VAV3: variants seen among roughly 807,000 people sequenced by gnomAD.
VAV3 encodes vav guanine nucleotide exchange factor 3.
VAV3 carries 94 observed loss-of-function variants against 131.2 expected under a neutral mutation model. That is an observed-to-expected ratio of 0.72 (90% CI 0.61 to 0.85). The LOEUF (loss-of-function observed/expected upper bound fraction) is 0.85, where lower values mean the gene tolerates loss of function less well. Among genes scored for constraint, VAV3 ranks in the 40% least tolerant of loss-of-function variants. VAV3 has a pLI of 0.00. For missense variants in VAV3, 939 were observed against 1,002.7 expected, an observed-to-expected ratio of 0.94 and a Z score of 0.86; for synonymous variants, 349 against 342.0, an observed-to-expected ratio of 1.02 and a Z score of -0.22.
intron 10 of VAV3, 24 bp from the exon 11 acceptor site, chr1:107,757,353 A>G (rs752106721): frequency 6.3e-7 from 1 of 1,579,808 alleles, no homozygotes; most frequent in South Asian, 1.2e-5. Context: ...ATGGTTTAGT[A>G]CTACTTTCAT....
At chr1:107,771,269 T>G (rs1159754086) in intron 5 of VAV3, among the ~76,000 whole-genome samples, 1 of 151,622 alleles carries the variant, frequency 6.6e-6, no homozygotes, top group Non-Finnish European at 1.5e-5. Context: ...TTTTTTTTTT[T>G]TGAGTCAGAG....
chr1:107,803,135 T>C (rs943608474), intron 2 of VAV3, among the ~76,000 whole-genome samples: 3 of 152,040 alleles, frequency 2.0e-5, no homozygotes, highest in Non-Finnish European at 4.4e-5. Context: ...CCTATACTTA[T>C]AATAGTTTCT....
At chr1:107,754,799 G>A (rs764989875) in intron 12 of VAV3, among the ~76,000 whole-genome samples, 5 of 151,972 alleles carry the variant, frequency 3.3e-5, no homozygotes, top group East Asian at 1.9e-4. Context: ...CACCTGCTAC[G>A]GCTTCTGCCT....
chr1:107,753,513 CAT>C (rs1553201249), intron 12 of VAV3, among the ~76,000 whole-genome samples: 44 of 80,636 alleles, frequency 5.5e-4, no homozygotes, highest in South Asian at 1.7e-3. Flanking sequence ...TATATACACA[CAT>C]ATATATATAT....
At chr1:107,933,168 T>C (rs1055854677) in intron 1 of VAV3, among the ~76,000 whole-genome samples, 1 of 152,240 alleles carries the variant, frequency 6.6e-6, no homozygotes, top group African/African-American at 2.4e-5. Context: ...GTAAATATTT[T>C]CTTTCTAAAT....
intron 2 of VAV3, among the ~76,000 whole-genome samples, chr1:107,870,678 C>T (rs1451332702): frequency 6.6e-6 from 1 of 151,882 alleles, no homozygotes; most frequent in Non-Finnish European, 1.5e-5. Flanking sequence ...TCTCTCTCTC[C>T]CAATAATGTT....
At chr1:107,942,418 C>T (rs1674042362) in intron 1 of VAV3, among the ~76,000 whole-genome samples, 1 of 152,162 alleles carries the variant, frequency 6.6e-6, no homozygotes, top group Non-Finnish European at 1.5e-5. Flanking sequence ...CAGACTCTCA[C>T]TACATCTTTA....
At chr1:107,689,128 G>A (rs1408840043) in intron 17 of VAV3, among the ~76,000 whole-genome samples, 1 of 152,038 alleles carries the variant, frequency 6.6e-6, no homozygotes, top group Non-Finnish European at 1.5e-5. Context: ...GGATAAGGGC[G>A]CACACGGCAC....
chr1:107,580,267 T>A (rs931731279), intron 25 of VAV3, among the ~76,000 whole-genome samples: 1 of 152,184 alleles, frequency 6.6e-6, no homozygotes, highest in Non-Finnish European at 1.5e-5. Context: ...CTTCCATTCC[T>A]TTAGCTCATC....
At chr1:107,785,769 C>T (rs775321700) in intron 2 of VAV3, 41 of 473,724 alleles carry the variant, frequency 8.7e-5, no homozygotes, top group Non-Finnish European at 1.1e-4. Context: ...GCTAGAGGCA[C>T]CCCAGAGACC....
At chr1:107,725,219 G>A (rs1661768554) in intron 15 of VAV3, among the ~76,000 whole-genome samples, 2 of 152,156 alleles carry the variant, frequency 1.3e-5, no homozygotes, top group Non-Finnish European at 2.9e-5. Context: ...GACCAGGTAA[G>A]AAGCTAACAG....
intron 15 of VAV3, among the ~76,000 whole-genome samples, chr1:107,734,713 G>A (rs1662482460): frequency 1.3e-5 from 2 of 152,164 alleles, no homozygotes; most frequent in South Asian, 4.1e-4. Flanking sequence ...CATAAAGCAA[G>A]TCTTTAGAGA....
At chr1:107,680,844 C>G (rs1173767607) in intron 19 of VAV3, among the ~76,000 whole-genome samples, 2 of 152,150 alleles carry the variant, frequency 1.3e-5, no homozygotes, top group South Asian at 4.1e-4. Context: ...AGCAAGTAAA[C>G]AGCTAAGGCC....
intron 19 of VAV3, among the ~76,000 whole-genome samples, chr1:107,658,635 G>T (rs1656765375): frequency 6.6e-6 from 1 of 151,966 alleles, no homozygotes; most frequent in Non-Finnish European, 1.5e-5. Flanking sequence ...TTTAATGACT[G>T]CCATTCTAAC....
At chr1:107,632,390 A>G (rs1000321930) in intron 20 of VAV3, among the ~76,000 whole-genome samples, 1 of 152,202 alleles carries the variant, frequency 6.6e-6, no homozygotes. Flanking sequence ...CACTCAGGTA[A>G]TACATGAAGA....
At chr1:107,683,021 A>G (rs568521805) in intron 19 of VAV3, among the ~76,000 whole-genome samples, 64 of 152,360 alleles carry the variant, frequency 4.2e-4, no homozygotes, top group Non-Finnish European at 7.6e-4. Flanking sequence ...CTTGTCACAA[A>G]GTCCCCAAAA....
rs144725884 is a variant in VAV3 at position 107,642,660 on chromosome 1, C to T, written c.1873G>A (p.Val625Ile). The change falls in exon 20 of 27, where the codon GTT (valine) becomes ATT (isoleucine). Residue 625 changes from valine (V) to isoleucine (I), a missense_variant. Transcript: ENST00000370056. ...TGTGCATCTCCTTTCAGAAGTTCAA[C>T]GGTATCCCCGGCCTGGAGCTGTAAA... ...PPLQLQAGDT[V>I]ELLKGDAHSL... 1,383 of 1,613,204 alleles carry T rather than the reference C, an allele frequency of 8.6e-4. No homozygotes were observed. Among genetic ancestry groups the T allele is most frequent in the Non-Finnish European group, 1.1e-3 (1,242 of 1,179,580 alleles).
intron 1 of VAV3, among the ~76,000 whole-genome samples, chr1:107,882,190 G>A (rs141730079): frequency 7.0e-4 from 107 of 152,184 alleles, no homozygotes; most frequent in African/African-American, 2.3e-3. Flanking sequence ...TGAGAAGGTC[G>A]GTGAGTGCTA....
intron 13 of VAV3, among the ~76,000 whole-genome samples, 189 bp downstream of exon 13, chr1:107,750,928 A>G (rs576751651): frequency 6.6e-6 from 1 of 152,308 alleles, no homozygotes; most frequent in Admixed American, 6.5e-5. Flanking sequence ...AAACTAATAG[A>G]TACCAGAACC....
Sources: allele counts gnomAD v4.1 joint callset (sites outside exome capture counted in the v4.1 genomes callset), GRCh38; gene constraint gnomAD v4.1.1; transcripts MANE v1.5; gene names NCBI Gene and HGNC (gene_info 2026-07-23, HGNC 2026-07-21).